The following SYTL2 variants were observed in gnomAD, a reference collection of about 807,000 sequenced individuals.
SYTL2 encodes synaptotagmin-like protein 2.
Under a neutral mutation model 198.7 loss-of-function variants are expected in SYTL2, and 165 were observed. The ratio of observed to expected loss-of-function variants is 0.83; its 90% CI spans 0.73 to 0.94. The LOEUF (loss-of-function observed/expected upper bound fraction) is 0.94, where lower values mean the gene tolerates loss of function less well. Among genes scored for constraint, SYTL2 ranks in the 40% least tolerant of loss-of-function variants. SYTL2 has a pLI of 0.00. For synonymous variants in SYTL2, 966 were observed against 917.7 expected (o/e 1.05, Z -0.95); for missense variants, 2,835 against 2,582.8 (o/e 1.10, Z -2.12).
the SYTL2 span, among the ~76,000 whole-genome samples, chr11:85,836,897 T>C: frequency 2.0e-5 from 3 of 152,330 alleles, no homozygotes; most frequent in Non-Finnish European, 2.9e-5. Flanking sequence ...TTTAGATACA[T>C]AGACATATAT....
At chr11:85,754,312 C>T (rs2091729796) in intron 2 of SYTL2, among the ~76,000 whole-genome samples, 1 of 152,072 alleles carries the variant, frequency 6.6e-6, no homozygotes, top group Non-Finnish European at 1.5e-5. Flanking sequence ...CAGAGCAGTT[C>T]CTTGTACTTA....
At chr11:85,797,710 G>A (rs918787078) in intron 1 of SYTL2, among the ~76,000 whole-genome samples, 1 of 151,936 alleles carries the variant, frequency 6.6e-6, no homozygotes, top group African/African-American at 2.4e-5. Flanking sequence ...CAGCCTATGT[G>A]ATCTAATAAA....
intron 1 of SYTL2, among the ~76,000 whole-genome samples, chr11:85,767,513 A>G (rs564131702): frequency 1.9e-4 from 29 of 152,304 alleles, no homozygotes; most frequent in African/African-American, 6.7e-4. Flanking sequence ...CAGGATCATA[A>G]AGTTAACTGA....
At chr11:85,705,081 G>A (rs2084919794) in intron 15 of SYTL2, 53 bp from the exon 16 acceptor site, 1 of 1,411,340 alleles carries the variant, frequency 7.1e-7, no homozygotes. Context: ...TGATGCCAAA[G>A]TTATAACACA....
chr11:85,761,349 G>A (rs1047602193), intron 1 of SYTL2, among the ~76,000 whole-genome samples: 5 of 152,086 alleles, frequency 3.3e-5, no homozygotes, highest in Admixed American at 6.6e-5. Flanking sequence ...ACGTGACAGC[G>A]ATGAGGAAAC....
intron 1 of SYTL2, among the ~76,000 whole-genome samples, chr11:85,772,404 G>C (rs1202317462): frequency 6.6e-6 from 1 of 152,202 alleles, no homozygotes; most frequent in Admixed American, 6.5e-5. Context: ...AAGTCTTAAT[G>C]AATATCTGAC....
intron 16 of SYTL2, among the ~76,000 whole-genome samples, chr11:85,703,278 T>C (rs911555509): frequency 9.2e-5 from 14 of 152,098 alleles, no homozygotes; most frequent in African/African-American, 1.9e-4. Context: ...CATAGATAGA[T>C]TCAAGCAGCT....
chr11:85,828,016 A>G, the SYTL2 span, among the ~76,000 whole-genome samples: 5 of 152,188 alleles, frequency 3.3e-5, no homozygotes, highest in African/African-American at 1.2e-4. Context: ...GAGGGTTTGG[A>G]AATAAATAGG....
chr11:85,725,250 C>T lies in SYTL2; in HGVS notation c.4108G>A (p.Val1370Ile). Residue 1370 changes from valine (V) to isoleucine (I), a missense_variant, in exon 8 of 20, where the codon GTA becomes ATA. Coordinates refer to ENST00000359152, the MANE Select transcript of SYTL2 (RefSeq NM_206927.4). ...CACAGCTTCTGTAATGCAGCACTTA[C>T]ATCATTCAATACAGGTCTGGGTGGA... ...ILPPRPVLNDVSAALQKLCGE... is the reference protein window; with the variant it reads ...ILPPRPVLNDISAALQKLCGE... 1.2e-6 allele frequency: 2 copies of T among 1,614,188 alleles called. No individual in the cohort carries two copies. The highest frequency in any genetic ancestry group is 1.7e-6 in the Non-Finnish European group (2 of 1,180,028).
Position 85,726,885 on chromosome 11 carries a change from T to C in SYTL2, c.2473A>G (p.Lys825Glu), listed in dbSNP as rs2089260353. 5 of 1,536,694 alleles carry C rather than the reference T, an allele frequency of 3.3e-6. No homozygotes were observed. Among genetic ancestry groups the C allele is most frequent in the African/African-American group, 1.4e-5 (1 of 73,174 alleles). ...SSCSQEQPSA[K>E]AYQPVKKSQG... is the part of the protein sequence containing the mutation. ...GACTTCTTCACAGGCTGATATGCTTTAGCAGAAGGTTGTTCCTGGCTACAT... is the reference window on the plus strand; with the variant it reads ...GACTTCTTCACAGGCTGATATGCTTCAGCAGAAGGTTGTTCCTGGCTACAT... Residue 825 changes from lysine to glutamate, a missense_variant, in exon 8 of 20, where the codon AAA becomes GAA. By Grantham distance (56) the Lys-to-Glu change is moderately conservative (BLOSUM62 1). Transcript: ENST00000359152.
At chr11:85,788,994 T>C (rs2153617861) in intron 1 of SYTL2, among the ~76,000 whole-genome samples, 1 of 151,490 alleles carries the variant, frequency 6.6e-6, no homozygotes, top group East Asian at 2.0e-4. Context: ...CAGAAGAATA[T>C]GAAATAGAGA....
At chr11:85,853,075 C>T in the SYTL2 span, 402 of 262,732 alleles carry the variant, frequency 1.5e-3, 2 homozygotes, top group African/African-American at 9.3e-3. Flanking sequence ...CCTCCCCGTC[C>T]GGGAGGTCGG....
chr11:85,796,315 G>A (rs1163719017), intron 1 of SYTL2, among the ~76,000 whole-genome samples: 1 of 152,168 alleles, frequency 6.6e-6, no homozygotes. Context: ...ACACCCAGCT[G>A]ATATCTGACA....
intron 7 of SYTL2, among the ~76,000 whole-genome samples, chr11:85,729,594 T>C (rs1406823616): frequency 6.6e-6 from 1 of 152,196 alleles, no homozygotes; most frequent in Non-Finnish European, 1.5e-5. Context: ...TAAACCAGTG[T>C]TTAGAGGGAA....
chr11:85,789,462 T>G (rs1044402844), intron 1 of SYTL2, among the ~76,000 whole-genome samples: 5 of 146,330 alleles, frequency 3.4e-5, no homozygotes, highest in African/African-American at 1.3e-4. Context: ...TTTGAACTCC[T>G]GGGCTCAAGC....
chr11:85,842,071 CAG>C, the SYTL2 span, among the ~76,000 whole-genome samples: 17 of 152,272 alleles, frequency 1.1e-4, no homozygotes, highest in East Asian at 7.7e-4. Flanking sequence ...AATGGTGAAG[CAG>C]AGAGACATGG....
rs967590716 is a variant in SYTL2, at chr11:85,725,778, G to A, written c.3580C>T (p.His1194Tyr). Reference sequence around the variant, plus strand: ...GGATGAACTACTGTTTTGTCAACATGCTCATTAATGATCTTCTCAGGTCCT... The same window carrying A: ...GGATGAACTACTGTTTTGTCAACATACTCATTAATGATCTTCTCAGGTCCT... ...VKGPEKIINEHVDKTVVHPKV... is the reference protein window; with the variant it reads ...VKGPEKIINEYVDKTVVHPKV... The change falls in exon 8 of 20, where the codon CAT (histidine) becomes TAT (tyrosine). Residue 1194 changes from histidine to tyrosine, a missense_variant. Transcript: ENST00000359152. 5 of 1,613,992 alleles carry A rather than the reference G, an allele frequency of 3.1e-6. No homozygotes were observed. The highest frequency in any genetic ancestry group is 2.7e-5 in the African/African-American group (2 of 74,924).
intron 1 of SYTL2, among the ~76,000 whole-genome samples, chr11:85,799,512 G>A (rs1243447691): frequency 6.6e-6 from 1 of 152,172 alleles, no homozygotes; most frequent in Non-Finnish European, 1.5e-5. Context: ...GGGACTAAAA[G>A]TCCATAAAAA....
chr11:85,721,613 T>A (rs566369679), intron 8 of SYTL2, among the ~76,000 whole-genome samples: 2 of 152,292 alleles, frequency 1.3e-5, no homozygotes, highest in East Asian at 3.9e-4. Context: ...AGTACTGACA[T>A]TTATTACTGC....
Sources: gnomAD v4.1 joint callset for allele counts (sites outside exome capture counted in the v4.1 genomes callset) on GRCh38, gnomAD v4.1.1 for gene constraint, MANE v1.5 for transcripts, NCBI Gene and HGNC (gene_info 2026-07-23, HGNC 2026-07-21) for gene names.